Variants in IRF6 observed in about 807,000 individuals in gnomAD.
IRF6 encodes Van der Woude syndrome.
A neutral mutation model predicts 51.4 loss-of-function variants in IRF6; 6 were observed. The observed-to-expected ratio is 0.12, with a 90% CI of 0.06 to 0.23. The LOEUF (loss-of-function observed/expected upper bound fraction) is 0.23, where lower values mean the gene tolerates loss of function less well. IRF6 is among the 10% of genes least tolerant of loss of function. The pLI, the probability that IRF6 is intolerant of heterozygous loss-of-function variation, is 1.00. For synonymous variants in IRF6, 178 were observed against 215.7 expected, an observed-to-expected ratio of 0.83 and a Z score of 1.53; for missense variants, 348 against 585.2, an observed-to-expected ratio of 0.59 and a Z score of 4.18.
At position 209,792,371 on chromosome 1, in the gene IRF6, C is replaced by T. The variant is rs1558039763; in HGVS notation, c.565G>A (p.Glu189Lys). Residue 189 changes from glutamate to lysine, a missense_variant, in exon 6 of 9, where the codon GAG (glutamate) becomes AAG (lysine). Around this residue, in one of 5 missense-constraint regions of IRF6, gnomAD observed 124 missense variants for 141.6 expected, o/e 0.88. Transcript: ENST00000367021. ...GGTTCAGTTTTGGGCCACACTGCCT[C>T]CGGGCTGCAGTTGCCCACACTGCAA... ...GNCSVGNCSP[E>K]AVWPKTEPLE... 6.2e-7 allele frequency: 1 copy of T among 1,614,242 alleles called. No homozygotes were observed. Among genetic ancestry groups the T allele is most frequent in the Admixed American group, 1.7e-5 (1 of 60,020 alleles).
Position 209,795,313 on chromosome 1 carries a change from G to T in IRF6, c.485C>A (p.Thr162Asn), listed in dbSNP as rs1558040795. ...QSQHHVPIQD[T>N]FPFLNINGSP... ...ACCATTGATGTTCAGGAAGGGGAAGGTGTCCTGGATGGGAACATGGTGCTG... is the reference window on the plus strand; with the variant it reads ...ACCATTGATGTTCAGGAAGGGGAAGTTGTCCTGGATGGGAACATGGTGCTG... The change falls in exon 5 of 9, where the codon ACC (threonine) becomes AAC (asparagine). Residue 162 changes from threonine (T) to asparagine (N), a missense_variant. Physicochemically the swap from Thr to Asn is moderately conservative, Grantham distance 65. Coordinates refer to ENST00000367021, the MANE Select transcript of IRF6 (RefSeq NM_006147.4). 1.2e-6 allele frequency: 2 copies of T among 1,614,214 alleles called. No individual in the cohort carries two copies. Among genetic ancestry groups the T allele is most frequent in the African/African-American group, 1.3e-5 (1 of 75,060 alleles).
In IRF6 at chr1:209,790,544, A is replaced by T; in HGVS notation, c.1011T>A (p.Ile337=). 1 of 1,614,222 alleles carries T rather than the reference A, an allele frequency of 6.2e-7. No individual in the cohort carries two copies. Among genetic ancestry groups the T allele is most frequent in the East Asian group, 2.2e-5 (1 of 44,888 alleles). ...ATAGCTTGACCTTCTTTTGTCTCTCAATCAGGTTGGGAGCAACAAGTGATG... is the reference window on the plus strand; with the variant it reads ...ATAGCTTGACCTTCTTTTGTCTCTCTATCAGGTTGGGAGCAACAAGTGATG... ...CAPSLVAPNL[I]ERQKKVKLFC... The change falls in exon 7 of 9, where the codon ATT becomes ATA. Residue 337 remains isoleucine (I), a synonymous_variant. Coordinates refer to ENST00000367021, the MANE Select transcript of IRF6 (RefSeq NM_006147.4). The surrounding 1 kb of genome is among the most constrained non-coding windows in gnomAD (Gnocchi z 4.8).
Position 209,805,934 on chromosome 1 carries a change from T to C in IRF6, c.-76+13A>G, listed in dbSNP as rs901446070. 6.6e-6 allele frequency: 1 copy of C among 152,338 alleles called. No individual in the cohort carries two copies. The highest frequency in any genetic ancestry group is 1.5e-5 in the Non-Finnish European group (1 of 68,142). 9.4% of individuals were successfully genotyped at this position (152,338 alleles called of 1,614,324 possible). The stretch of plus-strand genomic sequence containing the variant: ...CCTCCCTCAAGCTGGTCCCCAGAAG[T>C]TGGCGTACCCACCTTTGCTCAATCT... On this transcript the variant is annotated intron_variant, in intron 1 of 8. Coordinates refer to ENST00000367021, the MANE Select transcript of IRF6 (RefSeq NM_006147.4).
At position 209,801,249 on chromosome 1, in the gene IRF6, G is replaced by A. The variant is rs1416688438; in HGVS notation, c.165C>T (p.Thr55=). Residue 55 remains threonine (T), a synonymous_variant, in exon 3 of 9, where the codon ACC becomes ACT. Coordinates refer to ENST00000367021, the MANE Select transcript of IRF6 (RefSeq NM_006147.4). Reference sequence around the variant, plus strand: ...AGAAGAAGTCCTTTACCTTAAAAATGGTATTTTCCTCTTCTTGTTGAGGGC... The same window carrying A: ...AGAAGAAGTCCTTTACCTTAAAAATAGTATTTTCCTCTTCTTGTTGAGGGC... The part of the protein sequence containing the change: ...RHSPQQEEEN[T]IFKAWAVETG... The A allele has an allele frequency of 2.5e-6, 4 of 1,607,736 alleles. No individual in the cohort carries two copies. Among genetic ancestry groups the A allele is most frequent in the East Asian group, 4.5e-5 (2 of 44,718 alleles).
rs2077832228 is a variant in IRF6, at chr1:209,786,149, A to G, written c.*2271T>C. 6.6e-6 allele frequency: 1 copy of G among 151,578 alleles called. No homozygotes were observed. Among genetic ancestry groups the G allele is most frequent in the African/African-American group, 2.5e-5 (1 of 40,798 alleles). The allele number at this position is 151,578 out of a possible 1,614,324, so 9.4% of individuals were successfully genotyped here. A position where few individuals can be genotyped will look rare whatever the true frequency, so the allele number is the denominator to read the frequency against. Reference sequence around the variant, plus strand: ...TAGCAGACTGAGGCCCTAAAAAAAGAAAGGAAATCTAAATCTATCCAGCAG... The same window carrying G: ...TAGCAGACTGAGGCCCTAAAAAAAGGAAGGAAATCTAAATCTATCCAGCAG... On this transcript the variant is annotated 3_prime_UTR_variant, in exon 9 of 9. Coordinates refer to ENST00000367021, the MANE Select transcript of IRF6 (RefSeq NM_006147.4).
chr1:209,802,034 C>T lies in IRF6; in HGVS notation c.-66G>A, dbSNP rs767530676. The T allele has an allele frequency of 6.6e-6, 1 of 152,148 alleles. No homozygotes were observed. The highest frequency in any genetic ancestry group is 2.4e-5 in the African/African-American group (1 of 41,400). The allele number at this position is 152,148 out of a possible 1,614,324, so 9.4% of individuals were successfully genotyped here. A position where few individuals can be genotyped will look rare whatever the true frequency, so the allele number is the denominator to read the frequency against. ...AGTCGGCTTGTCTTTCCCTTGACCGCTCAAAGATTCTGTATGGAGAAAAGG... is the reference window on the plus strand; with the variant it reads ...AGTCGGCTTGTCTTTCCCTTGACCGTTCAAAGATTCTGTATGGAGAAAAGG... On this transcript the variant is annotated 5_prime_UTR_variant, in exon 2 of 9. Coordinates refer to ENST00000367021, the MANE Select transcript of IRF6 (RefSeq NM_006147.4).
chr1:209,800,649 C>T (rs898269568), intron 3 of IRF6, among the ~76,000 whole-genome samples: 9 of 152,078 alleles, frequency 5.9e-5, no homozygotes, highest in East Asian at 1.9e-4. Context: ...GTTCCAGCTA[C>T]GTGGGAGGTT....
chr1:209,802,337 G>C (rs971245184), intron 1 of IRF6, among the ~76,000 whole-genome samples: 5 of 152,190 alleles, frequency 3.3e-5, no homozygotes, highest in African/African-American at 9.7e-5. Flanking sequence ...CATGGGTAAA[G>C]TCTGCAATTG....
chr1:209,803,125 T>A (rs753829282), intron 1 of IRF6, among the ~76,000 whole-genome samples: 4 of 152,122 alleles, frequency 2.6e-5, no homozygotes, highest in Non-Finnish European at 5.9e-5. Context: ...TGTGAAACCA[T>A]CAAACCATGG....
At chr1:209,793,470 A>T (rs191580859) in intron 5 of IRF6, among the ~76,000 whole-genome samples, 16 of 152,378 alleles carry the variant, frequency 1.1e-4, no homozygotes, top group Admixed American at 5.2e-4. Flanking sequence ...GGGGGTGAGA[A>T]TAACAGAATG....
chr1:209,801,779 A>C (rs569979195), intron 2 of IRF6, among the ~76,000 whole-genome samples, 193 bp downstream of exon 2: 1 of 152,384 alleles, frequency 6.6e-6, no homozygotes, highest in Admixed American at 6.5e-5. Flanking sequence ...TGCTCTTTTC[A>C]ATCTCATCTC....
At chr1:209,792,525 A>C in intron 5 of IRF6, 98 bp from the exon 6 acceptor site, 1 of 1,286,592 alleles carries the variant, frequency 7.8e-7, no homozygotes, top group Non-Finnish European at 1.1e-6. Context: ...CAAGAACCAA[A>C]CACTGAACCC....
rs936609240 is a variant in IRF6 at position 209,788,578 on chromosome 1, T to C, written c.1246A>G (p.Ser416Gly). 1.2e-6 allele frequency: 2 copies of C among 1,614,178 alleles called. No homozygotes were observed. Among genetic ancestry groups the C allele is most frequent in the Non-Finnish European group, 1.7e-6 (2 of 1,180,026 alleles). ...FSGDFTRSFD[S>G]GSVRLQISTP... ...GAGATCTGCAGGCGGACACTGCCAC[T>C]ATCAAAGGATCGTGTGAAATCACCA... The change falls in exon 9 of 9, where the codon AGT (serine) becomes GGT (glycine). Residue 416 changes from serine (S) to glycine (G), a missense_variant. This residue lies in a region of IRF6 where 48 missense variants were observed against 66.9 expected (regional missense o/e 0.72). Transcript: ENST00000367021.
chr1:209,794,409 G>T (rs986408273), intron 5 of IRF6, among the ~76,000 whole-genome samples: 1 of 152,232 alleles, frequency 6.6e-6, no homozygotes, highest in African/African-American at 2.4e-5. Context: ...TATAAATGAA[G>T]GAGGGCCAGT....
chr1:209,788,641 T>G lies in IRF6; in HGVS notation c.1183A>C (p.Ile395Leu), dbSNP rs1353644145. ...LERKLILVQVIPVVARMIYEM... is the reference protein window; with the variant it reads ...LERKLILVQVLPVVARMIYEM... ...TAGATCATCCGAGCCACTACTGGAA[T>G]GACCTGTTCAGGACACAGAACACAG... Residue 395 changes from isoleucine (I) to leucine (L), a missense_variant, in exon 9 of 9, where the codon ATT becomes CTT. Physicochemically the swap from Ile to Leu is conservative, Grantham distance 5. Transcript: ENST00000367021. The G allele has an allele frequency of 6.2e-7, 1 of 1,613,642 alleles. No individual in the cohort carries two copies. The highest frequency in any genetic ancestry group is 1.1e-5 in the South Asian group (1 of 91,076).
In IRF6 at chr1:209,790,838, C is replaced by A; in HGVS notation, c.717G>T (p.Gln239His). The A allele has an allele frequency of 6.2e-7, 1 of 1,613,578 alleles. No individual in the cohort carries two copies. The highest frequency in any genetic ancestry group is 8.5e-7 in the Non-Finnish European group (1 of 1,180,042). ...KFQYRGKEYG[Q>H]TMTVSNPQGC... ...CCTGAGGGTTGCTCACGGTCATGGT[C>A]TGCCCGTACTCCTTCCCACGGTACT... is the stretch of plus-strand genomic sequence containing the variant. The change falls in exon 7 of 9, where the codon CAG becomes CAT. Residue 239 changes from glutamine (Q) to histidine (H), a missense_variant. By Grantham distance (24) the Gln-to-His change is conservative. Transcript: ENST00000367021. The surrounding 1 kb of genome is among the most constrained non-coding windows in gnomAD (Gnocchi z 4.8).
chr1:209,796,612 CTTACCCT>C lies in IRF6; in HGVS notation c.175-67_175-61del. The C allele has an allele frequency of 8.7e-7, 1 of 1,149,362 alleles. No individual in the cohort carries two copies. Among genetic ancestry groups the C allele is most frequent in the Non-Finnish European group, 1.3e-6 (1 of 767,300 alleles). 71.2% of individuals were successfully genotyped at this position (1,149,362 alleles called of 1,614,324 possible). On this transcript the variant is annotated intron_variant, in intron 3 of 8. Coordinates refer to ENST00000367021, the MANE Select transcript of IRF6 (RefSeq NM_006147.4). This position sits in a 1 kb window ranked among gnomAD's most constrained non-coding sequence, Gnocchi z 4.5. Reference sequence around the variant, plus strand: ...GCCCAGAGCCACTGCAAAGCATGTGCTTACCCTTTCTCATAGACACAAACACACACAC... The same window carrying C: ...GCCCAGAGCCACTGCAAAGCATGTGCTTCTCATAGACACAAACACACACAC...
In IRF6 at chr1:209,801,002, C is replaced by A. The variant is rs567799982; in HGVS notation, c.174+238G>T. On this transcript the variant is annotated intron_variant, in intron 3 of 8. Transcript: ENST00000367021. The stretch of plus-strand genomic sequence containing the variant: ...TCACTAATGAGAGTTTTAGCCAACC[C>A]CAGCTGGTATCCTTTGGGATGTGAG... 2.3e-4 allele frequency among the ~76,000 whole-genome samples: 35 copies of A among 152,164 alleles called. No homozygotes were observed. The South Asian group carries it at 7.0e-3, about 31-fold the overall frequency.
chr1:209,791,807 ATCATG>A (rs2077870664), intron 6 of IRF6, among the ~76,000 whole-genome samples: 1 of 152,240 alleles, frequency 6.6e-6, no homozygotes, highest in African/African-American at 2.4e-5. Context: ...GTTGTTTTAG[ATCATG>A]TCTCATTCTG....
Sources: gnomAD v4.1 joint callset for allele counts (sites outside exome capture counted in the v4.1 genomes callset) on GRCh38, gnomAD v4.1.1 for gene constraint, gnomAD v4.1.1 regional missense constraint, Gnocchi (gnomAD v3.1) non-coding constraint, MANE v1.5 for transcripts, NCBI Gene and HGNC (gene_info 2026-07-23, HGNC 2026-07-21) for gene names.